Variants in SKAP1 observed in about 807,000 individuals in gnomAD.
SKAP1 encodes the protein src kinase associated phosphoprotein 1.
Under a neutral mutation model 58.5 loss-of-function variants are expected in SKAP1, and 44 were observed. The ratio of observed to expected loss-of-function variants is 0.75; its 90% CI spans 0.59 to 0.97. The LOEUF is 0.97. Ranked by LOEUF, SKAP1 falls within the 50% of genes least tolerant of loss-of-function variation. The pLI, the probability that SKAP1 is intolerant of heterozygous loss-of-function variation, is 0.00. For synonymous variants in SKAP1, 127 were observed against 149.7 expected, an observed-to-expected ratio of 0.85 and a Z score of 1.11; for missense variants, 390 against 435.2, an observed-to-expected ratio of 0.90 and a Z score of 0.92.
At chr17:48,407,581 A>T (rs905989145) in intron 1 of SKAP1, among the ~76,000 whole-genome samples, 2 of 152,250 alleles carry the variant, frequency 1.3e-5, no homozygotes, top group African/African-American at 4.8e-5. Context: ...GGGAAAGGCC[A>T]GGTGCAGTGG....
At position 48,318,447 on chromosome 17, in the gene SKAP1, G is replaced by A. The variant is rs115492805; in HGVS notation, c.280+27458C>T. ...ATATTTTCATTCACTTGGCTTTTCT[G>A]ACACACTAAGCTACTTACACAATTT... On this transcript the variant is annotated intron_variant, in intron 4 of 12. Transcript: ENST00000336915. Among the ~76,000 whole-genome samples the A allele has an allele frequency of 3.7e-3, 556 of 152,314 alleles. 3 individuals are homozygous for A. The highest frequency in any genetic ancestry group is 0.013 in the African/African-American group (520 of 41,576).
At chr17:48,409,960 G>T (rs955727004) in intron 1 of SKAP1, among the ~76,000 whole-genome samples, 7 of 152,106 alleles carry the variant, frequency 4.6e-5, no homozygotes, top group African/African-American at 1.7e-4. Context: ...ACAAATCTAA[G>T]AAATAAATTC....
chr17:48,312,550 A>G (rs9916227), intron 4 of SKAP1, among the ~76,000 whole-genome samples: 50,746 of 152,068 alleles, frequency 0.33, 9,163 homozygotes, highest in African/African-American at 0.47. Flanking sequence ...TAAAGAAAAG[A>G]TTTGAGGGCT....
At chr17:48,353,865 TC>T in intron 3 of SKAP1, among the ~76,000 whole-genome samples, 1 of 135,494 alleles carries the variant, frequency 7.4e-6, no homozygotes, top group Non-Finnish European at 1.5e-5. Context: ...GCCATTGCAC[TC>T]CAGCCTGGGT....
intron 2 of SKAP1, chr17:48,380,120 T>A (rs2067197392): frequency 6.6e-6 from 1 of 152,224 alleles, no homozygotes; most frequent in South Asian, 2.1e-4. Context: ...TGTGGCTATA[T>A]CAGTACAGGT....
At chr17:48,393,934 T>C (rs1157548331) in intron 2 of SKAP1, among the ~76,000 whole-genome samples, 1 of 152,182 alleles carries the variant, frequency 6.6e-6, no homozygotes, top group African/African-American at 2.4e-5. Flanking sequence ...AATATTATTG[T>C]TTTAATCTGA....
chr17:48,249,579 C>T (rs2065338254), intron 4 of SKAP1, among the ~76,000 whole-genome samples: 1 of 151,828 alleles, frequency 6.6e-6, no homozygotes, highest in Non-Finnish European at 1.5e-5. Context: ...GAGGCTGCGA[C>T]AGGAGAATCA....
intron 4 of SKAP1, among the ~76,000 whole-genome samples, chr17:48,313,185 C>A (rs1156985112): frequency 6.6e-6 from 1 of 151,964 alleles, no homozygotes; most frequent in Non-Finnish European, 1.5e-5. Context: ...GAACAGGAAC[C>A]GAACCTTGAA....
intron 9 of SKAP1, among the ~76,000 whole-genome samples, chr17:48,178,987 C>T (rs2064331244): frequency 6.6e-6 from 1 of 152,012 alleles, no homozygotes; most frequent in African/African-American, 2.4e-5. Flanking sequence ...GACGTAGCTT[C>T]TTCCCCAGGA....
intron 10 of SKAP1, among the ~76,000 whole-genome samples, chr17:48,165,123 G>A (rs1028237731): frequency 1.3e-5 from 2 of 152,220 alleles, no homozygotes; most frequent in African/African-American, 4.8e-5. Context: ...TGTCTGTGAA[G>A]GAGAAGTTGA....
intron 11 of SKAP1, among the ~76,000 whole-genome samples, chr17:48,156,064 C>T (rs1041944304): frequency 1.6e-4 from 25 of 152,162 alleles, no homozygotes; most frequent in Admixed American, 1.6e-3. Context: ...GGCCACTAAC[C>T]CCCAAATCAC....
At chr17:48,241,932 C>T (rs2065247575) in intron 4 of SKAP1, among the ~76,000 whole-genome samples, 1 of 152,124 alleles carries the variant, frequency 6.6e-6, no homozygotes, top group African/African-American at 2.4e-5. Flanking sequence ...TATCAAGGCT[C>T]CTGACACATC....
intron 4 of SKAP1, among the ~76,000 whole-genome samples, chr17:48,221,358 CA>C (rs1212848776): frequency 1.3e-5 from 2 of 152,086 alleles, no homozygotes; most frequent in Non-Finnish European, 1.5e-5. Flanking sequence ...AAAAAGTTGA[CA>C]AAAAACTATC....
intron 2 of SKAP1, among the ~76,000 whole-genome samples, chr17:48,385,342 A>T (rs2067262740): frequency 6.6e-6 from 1 of 152,188 alleles, no homozygotes. Flanking sequence ...AAATAGATGC[A>T]AAGACAGTAG....
chr17:48,198,755 A>G (rs2064683075), intron 4 of SKAP1, among the ~76,000 whole-genome samples: 1 of 152,196 alleles, frequency 6.6e-6, no homozygotes, highest in Non-Finnish European at 1.5e-5. Flanking sequence ...AATAACACAT[A>G]TCTGTAACCC....
In SKAP1 at chr17:48,352,084, A is replaced by G. The variant is rs544386264; in HGVS notation, c.179-6078T>C. On this transcript the variant is annotated intron_variant, in intron 3 of 12. Coordinates refer to ENST00000336915, the MANE Select transcript of SKAP1 (RefSeq NM_003726.4). Reference sequence around the variant, plus strand: ...AAAGAAAAAGAAACAAGAAAAGAGAAAAAAAAAAAAAAAGCAGCCACTGTC... The same window carrying G: ...AAAGAAAAAGAAACAAGAAAAGAGAGAAAAAAAAAAAAAGCAGCCACTGTC... 2.1e-3 allele frequency among the ~76,000 whole-genome samples: 305 copies of G among 147,374 alleles called. 1 individual carries two copies. The highest frequency in any genetic ancestry group is 6.8e-3 in the African/African-American group (270 of 39,484).
chr17:48,267,636 A>G (rs1472913756), intron 4 of SKAP1, among the ~76,000 whole-genome samples: 4 of 152,238 alleles, frequency 2.6e-5, no homozygotes, highest in Non-Finnish European at 5.9e-5. Flanking sequence ...TGCTTAGTTT[A>G]ATTTGCTACT....
chr17:48,351,671 A>T (rs923009309), intron 3 of SKAP1, among the ~76,000 whole-genome samples: 4 of 152,178 alleles, frequency 2.6e-5, no homozygotes, highest in Admixed American at 2.0e-4. Context: ...AGCTTAGTAA[A>T]AAACTACAGT....
At chr17:48,197,803 T>G (rs2064658802) in intron 4 of SKAP1, among the ~76,000 whole-genome samples, 1 of 152,182 alleles carries the variant, frequency 6.6e-6, no homozygotes, top group African/African-American at 2.4e-5. Flanking sequence ...ACAGAAACCA[T>G]GAGTATTCAT....
Sources: gnomAD v4.1 joint callset for allele counts (sites outside exome capture counted in the v4.1 genomes callset) on GRCh38, gnomAD v4.1.1 for gene constraint, MANE v1.5 for transcripts, NCBI Gene and HGNC (gene_info 2026-07-23, HGNC 2026-07-21) for gene names.